ANKH: variants seen among roughly 807,000 people sequenced by gnomAD.
ANKH encodes the protein ANKH inorganic pyrophosphate transport regulator.
Under a neutral mutation model 49.0 loss-of-function variants are expected in ANKH, and 15 were observed. That is an observed-to-expected ratio of 0.31 (90% CI 0.20 to 0.47). ANKH has a LOEUF of 0.47. Among genes scored for constraint, ANKH ranks in the 20% least tolerant of loss-of-function variants. The pLI is 1.00. For missense variants in ANKH, 429 were observed against 652.0 expected (o/e 0.66, Z 3.72); for synonymous variants, 273 against 260.0 (o/e 1.05, Z -0.48).
chr5:14,789,451 G>C (rs568645740), intron 1 of ANKH, among the ~76,000 whole-genome samples: 201 of 136,454 alleles, frequency 1.5e-3, no homozygotes, highest in Non-Finnish European at 2.4e-3. Context: ...CAGAATGGTG[G>C]TGATAAAAAA....
At chr5:14,821,255 T>TAGCAA (rs1407878585) in intron 1 of ANKH, among the ~76,000 whole-genome samples, 3 of 152,206 alleles carry the variant, frequency 2.0e-5, no homozygotes, top group African/African-American at 7.2e-5. Context: ...GGTAATAATC[T>TAGCAA]AGCAAAACTT....
At position 14,866,355 on chromosome 5, in the gene ANKH, A is replaced by C. The variant is rs962063512; in HGVS notation, c.96+4997T>G. Among the ~76,000 whole-genome samples, 4 of 152,198 alleles carry C rather than the reference A, an allele frequency of 2.6e-5. No individual in the cohort carries two copies. In the South Asian group the frequency reaches 8.3e-4, roughly 31 times the overall value. ...AGTAGATCACCTGGCCCTAGGCAGA[A>C]CACATTTCTTAAGTGAGAACAATTT... On this transcript the variant is annotated intron_variant, in intron 1 of 11. Transcript: ENST00000284268.
At chr5:14,756,326 G>A (rs1299366689) in intron 3 of ANKH, among the ~76,000 whole-genome samples, 1 of 152,140 alleles carries the variant, frequency 6.6e-6, no homozygotes, top group Non-Finnish European at 1.5e-5. Flanking sequence ...TCATAATGAG[G>A]GCTCTCATTT....
chr5:14,810,896 T>C (rs755980012), intron 1 of ANKH, among the ~76,000 whole-genome samples: 2 of 152,228 alleles, frequency 1.3e-5, no homozygotes, highest in Non-Finnish European at 1.5e-5. Flanking sequence ...CTGGGTGGGA[T>C]AGTGCATTCA....
intron 6 of ANKH, among the ~76,000 whole-genome samples, chr5:14,748,404 G>A (rs1476925493): frequency 6.6e-6 from 1 of 152,250 alleles, no homozygotes; most frequent in Non-Finnish European, 1.5e-5. Flanking sequence ...CCTCAAGGCA[G>A]TGCCTGGACA....
intron 1 of ANKH, among the ~76,000 whole-genome samples, chr5:14,784,856 A>G (rs1222960954): frequency 6.6e-6 from 1 of 152,174 alleles, no homozygotes; most frequent in Non-Finnish European, 1.5e-5. Context: ...AGGCCCTAGA[A>G]AAGGCACTTG....
intron 1 of ANKH, among the ~76,000 whole-genome samples, chr5:14,853,220 T>C (rs1742164794): frequency 1.3e-5 from 2 of 152,318 alleles, no homozygotes; most frequent in Middle Eastern, 3.4e-3. Context: ...ACTACTATTT[T>C]AAGAGTATAG....
chr5:14,806,334 T>A (rs75046781), intron 1 of ANKH, among the ~76,000 whole-genome samples: 5 of 140,122 alleles, frequency 3.6e-5, no homozygotes, highest in Admixed American at 7.1e-5. Flanking sequence ...AAAAAAAAAA[T>A]ACCCAATCCA....
chr5:14,712,037 C>T (rs1737234514), intron 11 of ANKH, among the ~76,000 whole-genome samples: 1 of 152,236 alleles, frequency 6.6e-6, no homozygotes, highest in Non-Finnish European at 1.5e-5. Context: ...CCTCAGCTTA[C>T]ATGACATGCT....
chr5:14,756,062 GC>G (rs1471180632), intron 3 of ANKH, 118 bp from the exon 4 acceptor site: 1 of 836,302 alleles, frequency 1.2e-6, no homozygotes, highest in Non-Finnish European at 2.0e-6. Flanking sequence ...AGCCTTAGCA[GC>G]CCAGGTCTGA....
chr5:14,727,115 C>T lies in ANKH; in HGVS notation c.1012-10280G>A, dbSNP rs565702438. Among the ~76,000 whole-genome samples, 4 of 152,140 alleles carry T rather than the reference C, an allele frequency of 2.6e-5. No individual in the cohort carries two copies. The East Asian group carries it at 7.7e-4, about 29-fold the overall frequency. ...TTCTAGTTGGCTAACATAGGGGTAG[C>T]AAACAATAGATGAAAAATGACATCT... is the stretch of plus-strand genomic sequence containing the variant. On this transcript the variant is annotated intron_variant, in intron 8 of 11. Coordinates refer to ENST00000284268, the MANE Select transcript of ANKH (RefSeq NM_054027.6).
At chr5:14,741,580 C>G (rs1738355983) in intron 8 of ANKH, 2 of 487,412 alleles carry the variant, frequency 4.1e-6, no homozygotes, top group Non-Finnish European at 7.4e-6. Flanking sequence ...TAAAGGCAAC[C>G]TCTTCCTTTC....
At chr5:14,777,064 C>T (rs1417285842) in intron 1 of ANKH, among the ~76,000 whole-genome samples, 6 of 152,272 alleles carry the variant, frequency 3.9e-5, no homozygotes, top group African/African-American at 1.4e-4. Flanking sequence ...GGTGGATCAC[C>T]TGAAGTCAGG....
At chr5:14,736,299 C>T (rs758265807) in intron 8 of ANKH, among the ~76,000 whole-genome samples, 2 of 152,164 alleles carry the variant, frequency 1.3e-5, no homozygotes, top group Admixed American at 6.5e-5. Flanking sequence ...TCTGCGTCAT[C>T]AGAATGTGGG....
intron 9 of ANKH, among the ~76,000 whole-genome samples, chr5:14,715,351 G>A (rs1287681168): frequency 1.3e-5 from 2 of 152,178 alleles, no homozygotes; most frequent in South Asian, 2.1e-4. Flanking sequence ...GGCTGGTCTC[G>A]AACTCCTGAC....
intron 1 of ANKH, among the ~76,000 whole-genome samples, chr5:14,795,738 A>G (rs555501942): frequency 2.6e-5 from 4 of 152,086 alleles, no homozygotes; most frequent in South Asian, 2.1e-4. Flanking sequence ...CATATCTGTA[A>G]TCCCAGCTAC....
rs748767229 is a variant in ANKH at position 14,708,299 on chromosome 5, C to T, written c.*2898G>A. The T allele has an allele frequency of 5.3e-5, 8 of 152,182 alleles. No homozygotes were observed. Among genetic ancestry groups the T allele is most frequent in the Non-Finnish European group, 1.0e-4 (7 of 68,028 alleles). 9.4% of individuals were successfully genotyped at this position (152,182 alleles called of 1,614,324 possible). A position where few individuals can be genotyped will look rare whatever the true frequency, so the allele number is the denominator to read the frequency against. ...TCTAAATGAAAAACTACTTCATGGC[C>T]TTGTATTTTTAGATTGTATTCATCC... On this transcript the variant is annotated 3_prime_UTR_variant, in exon 12 of 12. Transcript: ENST00000284268.
chr5:14,762,481 T>A (rs542607257), intron 2 of ANKH, among the ~76,000 whole-genome samples: 1 of 152,222 alleles, frequency 6.6e-6, no homozygotes, highest in Non-Finnish European at 1.5e-5. Flanking sequence ...TTTTAACTTC[T>A]TTTTATTTCA....
chr5:14,778,477 C>T (rs897600856), intron 1 of ANKH, among the ~76,000 whole-genome samples: 5 of 152,182 alleles, frequency 3.3e-5, no homozygotes, highest in Non-Finnish European at 7.3e-5. Flanking sequence ...CCAGTGACCT[C>T]TACTCTGCTT....
Sources: gnomAD v4.1 joint callset for allele counts (sites outside exome capture counted in the v4.1 genomes callset) on GRCh38, gnomAD v4.1.1 for gene constraint, MANE v1.5 for transcripts, NCBI Gene and HGNC (gene_info 2026-07-23, HGNC 2026-07-21) for gene names.